The following KIAA1614 variants were observed in gnomAD, a reference collection of about 807,000 sequenced individuals.
The protein encoded by KIAA1614 is KIAA1614, also known as uncharacterized protein KIAA1614.
KIAA1614 carries 76 observed loss-of-function variants against 88.7 expected under a neutral mutation model. That is an observed-to-expected ratio of 0.86 (90% CI 0.71 to 1.04). KIAA1614 has a LOEUF of 1.04. Ranked by LOEUF, KIAA1614 falls within the 50% of genes least tolerant of loss-of-function variation. The pLI, the probability that KIAA1614 is intolerant of heterozygous loss-of-function variation, is 0.00. For missense variants in KIAA1614, 1,553 were observed against 1,582.5 expected, an observed-to-expected ratio of 0.98 and a Z score of 0.32; for synonymous variants, 714 against 675.5, an observed-to-expected ratio of 1.06 and a Z score of -0.88.
chr1:180,924,106 C>T (rs1654014897), intron 3 of KIAA1614, among the ~76,000 whole-genome samples: 1 of 152,240 alleles, frequency 6.6e-6, no homozygotes, highest in Non-Finnish European at 1.5e-5. Flanking sequence ...ATACCCTGTC[C>T]CATGCTGCGT....
intron 4 of KIAA1614, among the ~76,000 whole-genome samples, chr1:180,933,941 CG>C (rs1342528001): frequency 7.6e-6 from 1 of 131,954 alleles, no homozygotes; most frequent in Non-Finnish European, 1.7e-5. Context: ...GTGGAAACTT[CG>C]GGAGCAATTG....
intron 1 of KIAA1614, among the ~76,000 whole-genome samples, chr1:180,913,515 G>A (rs1653708656): frequency 6.6e-6 from 1 of 152,224 alleles, no homozygotes; most frequent in Non-Finnish European, 1.5e-5. Context: ...GAACCAGGCA[G>A]CTCCGAGCTG....
Position 180,913,221 on chromosome 1 carries a change from A to T in KIAA1614, c.-23A>T. On this transcript the variant is annotated 5_prime_UTR_variant, in exon 1 of 9. An upstream open reading frame in the 5' UTR gains an earlier in-frame stop. Coordinates refer to ENST00000367588, the MANE Select transcript of KIAA1614 (RefSeq NM_020950.2). ...TGGCCTGGGAGGGAGAAGGGGCTGG[A>T]GAGGGCCTGGCCTCTCCGAGGGATG... 2.4e-6 allele frequency: 3 copies of T among 1,259,440 alleles called. No individual in the cohort carries two copies. Among genetic ancestry groups the T allele is most frequent in the Non-Finnish European group, 2.0e-6 (2 of 995,914 alleles). The allele number at this position is 1,259,440 out of a possible 1,614,324, so 78.0% of individuals were successfully genotyped here.
chr1:180,916,197 A>G lies in KIAA1614; in HGVS notation c.94A>G (p.Thr32Ala), dbSNP rs1353591268. ...GSGTASPVEG[T>A]SAVEWSGPEP... ...TGGAACAGCCAGCCCCGTGGAGGGG[A>G]CCTCAGCTGTGGAGTGGAGTGGTCC... Residue 32 changes from threonine to alanine, a missense_variant, in exon 2 of 9, where the codon ACC becomes GCC. Thr to Ala is a moderately conservative substitution (Grantham distance 58, BLOSUM62 0). Coordinates refer to ENST00000367588, the MANE Select transcript of KIAA1614 (RefSeq NM_020950.2). The G allele has an allele frequency of 2.5e-6, 4 of 1,600,752 alleles. No homozygotes were observed. Among genetic ancestry groups the G allele is most frequent in the Non-Finnish European group, 3.4e-6 (4 of 1,174,090 alleles).
At chr1:180,916,032 C>G (rs183043118) in intron 1 of KIAA1614, 122 bp from the exon 2 acceptor site, 58 of 586,486 alleles carry the variant, frequency 9.9e-5, no homozygotes, top group Non-Finnish European at 1.5e-4. Flanking sequence ...GCATCCCCTG[C>G]TCTGTCTCCA....
intron 4 of KIAA1614, among the ~76,000 whole-genome samples, chr1:180,930,212 G>A (rs1037281927): frequency 6.6e-6 from 1 of 152,178 alleles, no homozygotes; most frequent in Non-Finnish European, 1.5e-5. Flanking sequence ...GAGGTCAGGA[G>A]ATCAAGACCA....
In KIAA1614 at chr1:180,917,116, T is replaced by C. The variant is rs79944107; in HGVS notation, c.997+16T>C. 0.051 allele frequency: 82,256 copies of C among 1,599,870 alleles called. 2,446 individuals carry two copies. The highest frequency in any genetic ancestry group is 0.059 in the Non-Finnish European group (69,214 of 1,170,508). ...GCTGCACCAGGTGAAGCTCACTGTG[T>C]AGGTCCAGGTGGTGGGGGGAGCAGG... On this transcript the variant is annotated intron_variant, in intron 2 of 8. Coordinates refer to ENST00000367588, the MANE Select transcript of KIAA1614 (RefSeq NM_020950.2).
Position 180,917,664 on chromosome 1 carries a change from C to T in KIAA1614, c.998-187C>T, listed in dbSNP as rs532464687. ...CCTGAGCCCAGGCATGTGGTCCTCT[C>T]AGCATATGGCTGTGCCCACAGCAGT... On this transcript the variant is annotated intron_variant, in intron 2 of 8. Coordinates refer to ENST00000367588, the MANE Select transcript of KIAA1614 (RefSeq NM_020950.2). 3.3e-5 allele frequency among the ~76,000 whole-genome samples: 5 copies of T among 152,316 alleles called. 1 individual carries two copies. The highest frequency in any genetic ancestry group is 7.4e-5 in the Non-Finnish European group (5 of 68,010).
rs374325970 is a variant in KIAA1614, at chr1:180,941,072, C to T, written c.2946C>T (p.Pro982=). Residue 982 remains proline, a synonymous_variant, in exon 7 of 9, where the codon CCC becomes CCT. Coordinates refer to ENST00000367588, the MANE Select transcript of KIAA1614 (RefSeq NM_020950.2). ...SRASAGAGTG[P]GSPSAAPLDQ... is the part of the protein sequence containing the mutation. ...CATCAGCAGGAGCTGGCACAGGACC[C>T]GGCTCCCCCTCGGCTGCCCCTTTGG... 9.8e-5 allele frequency: 158 copies of T among 1,610,368 alleles called. No homozygotes were observed. In the Admixed American group the frequency reaches 1.0e-3, roughly 10 times the overall value.
chr1:180,913,832 A>AGAG (rs1653718093), intron 1 of KIAA1614: 1 of 152,236 alleles, frequency 6.6e-6, no homozygotes, highest in Admixed American at 6.5e-5. Flanking sequence ...ATTGGACTTT[A>AGAG]GAGGAGAAGA....
At chr1:180,919,151 CTG>C (rs1653890318) in intron 3 of KIAA1614, among the ~76,000 whole-genome samples, 1 of 152,196 alleles carries the variant, frequency 6.6e-6, no homozygotes, top group Non-Finnish European at 1.5e-5. Context: ...GACACAAACA[CTG>C]AGTCCACCGT....
intron 4 of KIAA1614, among the ~76,000 whole-genome samples, chr1:180,934,775 G>C (rs936034748): frequency 2.0e-5 from 3 of 152,050 alleles, no homozygotes; most frequent in African/African-American, 7.3e-5. Context: ...CACAGACGCC[G>C]CACCACCCCA....
chr1:180,918,456 G>T (rs1023755146), intron 3 of KIAA1614, among the ~76,000 whole-genome samples: 9 of 152,200 alleles, frequency 5.9e-5, no homozygotes, highest in Admixed American at 5.9e-4. Context: ...ACCCACCAAG[G>T]TGTAGCGGGG....
In KIAA1614 at chr1:180,950,569, G is replaced by C; in HGVS notation, c.*4981G>C. 5 of 1,073,300 alleles carry C rather than the reference G, an allele frequency of 4.7e-6. No homozygotes were observed. Among genetic ancestry groups the C allele is most frequent in the Non-Finnish European group, 5.7e-6 (5 of 875,298 alleles). The allele number at this position is 1,073,300 out of a possible 1,614,324, so 66.5% of individuals were successfully genotyped here. A position where few individuals can be genotyped will look rare whatever the true frequency, so the allele number is the denominator to read the frequency against. On this transcript the variant is annotated 3_prime_UTR_variant, in exon 9 of 9. Coordinates refer to ENST00000367588, the MANE Select transcript of KIAA1614 (RefSeq NM_020950.2). ...CCGCTGCCCTCACTGTCACGGCCTC[G>C]GAAGCCCTGAAGCACTCAGGGTGGT...
chr1:180,925,673 C>T (rs778076639), intron 3 of KIAA1614, among the ~76,000 whole-genome samples: 23 of 152,202 alleles, frequency 1.5e-4, no homozygotes, highest in Admixed American at 7.2e-4. Flanking sequence ...GGAAACTGGC[C>T]GAGACGGGAG....
chr1:180,933,161 G>A (rs1427890120), intron 4 of KIAA1614, among the ~76,000 whole-genome samples: 1 of 152,208 alleles, frequency 6.6e-6, no homozygotes, highest in Non-Finnish European at 1.5e-5. Context: ...GCATTCCAGT[G>A]AGCATTCAGC....
At chr1:180,925,679 G>A (rs185834601) in intron 3 of KIAA1614, among the ~76,000 whole-genome samples, 6 of 152,238 alleles carry the variant, frequency 3.9e-5, no homozygotes, top group African/African-American at 1.2e-4. Flanking sequence ...TGGCCGAGAC[G>A]GGAGTGCCCA....
rs1012660900 is a variant in KIAA1614, at chr1:180,940,645, TTTTC to T, written c.2919-388_2919-385del. Among the ~76,000 whole-genome samples the T allele has an allele frequency of 1.1e-3, 162 of 152,118 alleles. 1 individual carries two copies. Among genetic ancestry groups the T allele is most frequent in the African/African-American group, 3.1e-3 (128 of 41,474 alleles). ...TCTTTTTTTTCTTTCTTTTCTTTTC[TTTTC>T]TTTCTTTCTTTTCCTTTACTCTCTC... On this transcript the variant is annotated intron_variant, in intron 6 of 8. Transcript: ENST00000367588.
intron 5 of KIAA1614, 128 bp downstream of exon 5, chr1:180,936,798 CG>C: frequency 1.6e-6 from 1 of 620,456 alleles, no homozygotes. Context: ...CAGATGGCAG[CG>C]TCACATACCA....
Sources: gnomAD v4.1 joint callset for allele counts (sites outside exome capture counted in the v4.1 genomes callset) on GRCh38, gnomAD v4.1.1 for gene constraint, MANE v1.5 for transcripts, NCBI Gene and HGNC (gene_info 2026-07-23, HGNC 2026-07-21) for gene names.